The following C11orf71 variants were observed in gnomAD, a reference collection of about 807,000 sequenced individuals.
The protein encoded by C11orf71 is uncharacterized protein C11orf71.
For synonymous variants in C11orf71, 72 were observed against 73.4 expected (o/e 0.98, Z 0.09); for missense variants, 179 against 167.6 (o/e 1.07, Z -0.38).
At position 114,399,798 on chromosome 11, in the gene C11orf71, G is replaced by A. The variant is rs1946165607; in HGVS notation, c.*162C>T. 3.8e-6 allele frequency: 4 copies of A among 1,066,388 alleles called. No homozygotes were observed. The highest frequency in any genetic ancestry group is 6.2e-5 in the Admixed American group (2 of 32,078). The allele number at this position is 1,066,388 out of a possible 1,614,324, so 66.1% of individuals were successfully genotyped here. On this transcript the variant is annotated 3_prime_UTR_variant, in exon 1 of 1. Transcript: ENST00000623205. Reference sequence around the variant, plus strand: ...ATAAAACCACCTAAATCAATCAACTGTTACACTTCCCTTAGTGCTAGGACA... The same window carrying A: ...ATAAAACCACCTAAATCAATCAACTATTACACTTCCCTTAGTGCTAGGACA...
Position 114,399,819 on chromosome 11 carries a change from G to A in C11orf71, c.*141C>T. The A allele has an allele frequency of 8.4e-7, 1 of 1,191,636 alleles. No homozygotes were observed. The highest frequency in any genetic ancestry group is 1.1e-6 in the Non-Finnish European group (1 of 878,960). 73.8% of individuals were successfully genotyped at this position (1,191,636 alleles called of 1,614,324 possible). A position where few individuals can be genotyped will look rare whatever the true frequency, so the allele number is the denominator to read the frequency against. Reference sequence around the variant, plus strand: ...AACTGTTACACTTCCCTTAGTGCTAGGACATATTCATATAACTCCCACGTA... The same window carrying A: ...AACTGTTACACTTCCCTTAGTGCTAAGACATATTCATATAACTCCCACGTA... On this transcript the variant is annotated 3_prime_UTR_variant, in exon 1 of 1. Coordinates refer to ENST00000623205, the MANE Select transcript of C11orf71 (RefSeq NM_001271562.2).
downstream of C11orf71, among the ~76,000 whole-genome samples, chr11:114,395,157 A>G (rs1460720865): frequency 3.9e-5 from 6 of 152,170 alleles, no homozygotes; most frequent in African/African-American, 1.4e-4. Flanking sequence ...GATAAGACAT[A>G]GATTACACCT....
At chr11:114,396,197 G>T (rs1946129687), downstream of C11orf71, among the ~76,000 whole-genome samples, 2 of 152,178 alleles carry the variant, frequency 1.3e-5, no homozygotes, top group African/African-American at 4.8e-5. Context: ...TAGAAGAGAG[G>T]CTCCCCAGGA....
At chr11:114,397,613 C>A (rs562563701), downstream of C11orf71, among the ~76,000 whole-genome samples, 1 of 152,216 alleles carries the variant, frequency 6.6e-6, no homozygotes, top group Non-Finnish European at 1.5e-5. Flanking sequence ...TTCTTGATGA[C>A]CCCATTCCAG....
At chr11:114,394,256 TCTTTTC>T (rs1457857360), downstream of C11orf71, among the ~76,000 whole-genome samples, 110 of 71,072 alleles carry the variant, frequency 1.5e-3, 9 homozygotes, top group African/African-American at 9.7e-3. Flanking sequence ...TCTTTTCTTT[TCTTTTC>T]TTTTCTTTTC....
downstream of C11orf71, among the ~76,000 whole-genome samples, chr11:114,393,941 A>G (rs771733396): frequency 2.6e-5 from 4 of 152,160 alleles, no homozygotes; most frequent in Non-Finnish European, 5.9e-5. Context: ...GGATTAAATA[A>G]AAGAATCCTT....
chr11:114,392,979 A>G (rs951891728), intron 1 of C11orf71, among the ~76,000 whole-genome samples: 11 of 152,212 alleles, frequency 7.2e-5, no homozygotes, highest in Non-Finnish European at 1.5e-4. Flanking sequence ...CTAGTTTTGT[A>G]CAGTCCTCCA....
At position 114,400,162 on chromosome 11, in the gene C11orf71, A is replaced by G. The variant is rs747322947; in HGVS notation, c.170T>C (p.Val57Ala). 2 of 1,613,732 alleles carry G rather than the reference A, an allele frequency of 1.2e-6. No individual in the cohort carries two copies. Among genetic ancestry groups the G allele is most frequent in the South Asian group, 2.2e-5 (2 of 91,078 alleles). The change falls in exon 1 of 1, where the codon GTG becomes GCG. Residue 57 changes from valine to alanine, a missense_variant. Physicochemically the swap from Val to Ala is moderately conservative, Grantham distance 64. Coordinates refer to ENST00000623205, the MANE Select transcript of C11orf71 (RefSeq NM_001271562.2). ...EAIHLGPRQAVRPSVRAESRR... is the reference protein window; with the variant it reads ...EAIHLGPRQAARPSVRAESRR... ...GCTCTCGGCCCGAACGCTTGGTCGC[A>G]CCGCCTGCCGAGGTCCTAGATGAAT...
At chr11:114,394,174 G>GTTTCTTTTCTTTTCTTTTCT (rs1187890536), downstream of C11orf71, among the ~76,000 whole-genome samples, 264 of 77,522 alleles carry the variant, frequency 3.4e-3, 30 homozygotes, top group Admixed American at 7.6e-3. Context: ...TAGAGACGGG[G>GTTTCTTTTCTTTTCTTTTCT]TTTCGTTTCT....
At chr11:114,391,685 T>C (rs112117712) in intron 1 of C11orf71, 14 of 1,198,958 alleles carry the variant, frequency 1.2e-5, no homozygotes, top group African/African-American at 1.1e-4. Flanking sequence ...ACAAAATGGA[T>C]GAGTATAAGA....
rs1393723547 is a variant in C11orf71 at position 114,399,347 on chromosome 11, A to C, written c.*613T>G. On this transcript the variant is annotated 3_prime_UTR_variant, in exon 1 of 1. Transcript: ENST00000623205. ...AATGTTTTCACCAGTGTATTTTAGG[A>C]CAGCAGATTCAGATTAATGCGCTGG... is the stretch of plus-strand genomic sequence containing the variant. 1.3e-5 allele frequency: 2 copies of C among 152,340 alleles called. No individual in the cohort carries two copies. The highest frequency in any genetic ancestry group is 2.9e-5 in the Non-Finnish European group (2 of 68,128). The allele number at this position is 152,340 out of a possible 1,614,324, so 9.4% of individuals were successfully genotyped here. A position where few individuals can be genotyped will look rare whatever the true frequency, so the allele number is the denominator to read the frequency against.
rs1946156774 is a variant in C11orf71 at position 114,399,305 on chromosome 11, T to C, written c.*655A>G. 1.3e-5 allele frequency: 2 copies of C among 152,224 alleles called. 1 individual carries two copies. The highest frequency in any genetic ancestry group is 1.3e-4 in the Admixed American group (2 of 15,288). The allele number at this position is 152,224 out of a possible 1,614,324, so 9.4% of individuals were successfully genotyped here. ...AGTGAGTAGATGAACAGTTTTCTGA[T>C]AGGAGATTGTACAAGTAATGTTTTC... is the stretch of plus-strand genomic sequence containing the variant. On this transcript the variant is annotated 3_prime_UTR_variant, in exon 1 of 1. Coordinates refer to ENST00000623205, the MANE Select transcript of C11orf71 (RefSeq NM_001271562.2).
chr11:114,399,840 A>G lies in C11orf71; in HGVS notation c.*120T>C, dbSNP rs925360654. 2.8e-5 allele frequency: 37 copies of G among 1,320,682 alleles called. No individual in the cohort carries two copies. Among genetic ancestry groups the G allele is most frequent in the Non-Finnish European group, 3.7e-5 (37 of 994,240 alleles). The allele number at this position is 1,320,682 out of a possible 1,614,324, so 81.8% of individuals were successfully genotyped here. A position where few individuals can be genotyped will look rare whatever the true frequency, so the allele number is the denominator to read the frequency against. ...GCTAGGACATATTCATATAACTCCC[A>G]CGTATTAAATGAAAATACATCCATC... On this transcript the variant is annotated 3_prime_UTR_variant, in exon 1 of 1. Transcript: ENST00000623205.
chr11:114,391,925 A>T (rs188970848), intron 1 of C11orf71, among the ~76,000 whole-genome samples: 11,839 of 147,120 alleles, frequency 0.08, 506 homozygotes, highest in Admixed American at 0.12. Flanking sequence ...TTTTTTTTTT[A>T]AAATAAAGCA....
At chr11:114,396,021 C>A (rs1946128730), downstream of C11orf71, among the ~76,000 whole-genome samples, 1 of 152,210 alleles carries the variant, frequency 6.6e-6, no homozygotes, top group South Asian at 2.1e-4. Context: ...CCTTAGCCTA[C>A]AGCCTGGTAC....
chr11:114,394,712 A>G (rs932963220), downstream of C11orf71, among the ~76,000 whole-genome samples: 5 of 151,942 alleles, frequency 3.3e-5, no homozygotes, highest in Admixed American at 3.3e-4. Context: ...CCAGCCAGGT[A>G]TTGACTTTTT....
At chr11:114,391,646 C>A in exon 2 of C11orf71, 1 of 1,502,560 alleles carries the variant, frequency 6.7e-7, no homozygotes, top group South Asian at 1.3e-5. Flanking sequence ...ACTCAGATAG[C>A]TTCAGGGTCC....
chr11:114,394,178 C>CTT (rs1565256269), downstream of C11orf71, among the ~76,000 whole-genome samples: 1 of 81,146 alleles, frequency 1.2e-5, no homozygotes, highest in Non-Finnish European at 2.3e-5. Flanking sequence ...GACGGGGTTT[C>CTT]GTTTCTTTTC....
downstream of C11orf71, among the ~76,000 whole-genome samples, chr11:114,395,105 T>C (rs986454221): frequency 6.6e-6 from 1 of 151,968 alleles, no homozygotes; most frequent in African/African-American, 2.4e-5. Flanking sequence ...CAGGATAAAT[T>C]TAGACATGTT....
Sources: gnomAD v4.1 joint callset for allele counts (sites outside exome capture counted in the v4.1 genomes callset) on GRCh38, gnomAD v4.1.1 for gene constraint, MANE v1.5 for transcripts, NCBI Gene and HGNC (gene_info 2026-07-23, HGNC 2026-07-21) for gene names.